DPP6: variants seen among roughly 807,000 people sequenced by gnomAD.
DPP6 encodes A-type potassium channel modulatory protein DPP6.
A neutral mutation model predicts 122.6 loss-of-function variants in DPP6; 69 were observed. The observed-to-expected ratio is 0.56, with a 90% CI of 0.46 to 0.69. The LOEUF (loss-of-function observed/expected upper bound fraction) is 0.69. DPP6 is among the 30% of genes least tolerant of loss of function. The pLI is 0.00. For missense variants in DPP6, 928 were observed against 1,116.9 expected, an observed-to-expected ratio of 0.83 and a Z score of 2.41; for synonymous variants, 418 against 433.1, an observed-to-expected ratio of 0.97 and a Z score of 0.43.
At chr7:153,939,454 C>T (rs917916574) in intron 1 of DPP6, among the ~76,000 whole-genome samples, 2 of 152,260 alleles carry the variant, frequency 1.3e-5, no homozygotes, top group African/African-American at 2.4e-5. Context: ...CAAAGTCAGA[C>T]GTTAAACCAA....
chr7:154,562,488 C>A lies in DPP6; in HGVS notation c.553-4354C>A, dbSNP rs552163656. Among the ~76,000 whole-genome samples the A allele has an allele frequency of 2.0e-5, 3 of 152,148 alleles. No homozygotes were observed. In the South Asian group the frequency reaches 6.2e-4, roughly 32 times the overall value. On this transcript the variant is annotated intron_variant, in intron 4 of 25. Transcript: ENST00000377770. ...TATCTATTAAAAATACCATAAATAT[C>A]ATACTTAATGGAGAAGAATGAAGGC...
rs143103574 is a variant in DPP6 at position 154,279,361 on chromosome 7, A to C, written c.244-166853A>C. On this transcript the variant is annotated intron_variant, in intron 1 of 25. Coordinates refer to ENST00000377770, the MANE Select transcript of DPP6 (RefSeq NM_130797.4). ...GGTGTAGGGTTAAAAAATGATTATA[A>C]ATTTTGTGATTGATTTTCTTATTGG... is the stretch of plus-strand genomic sequence containing the variant. Among the ~76,000 whole-genome samples the C allele has an allele frequency of 6.7e-3, 1,014 of 152,162 alleles. 17 individuals are homozygous for C. The highest frequency in any genetic ancestry group is 0.022 in the African/African-American group (932 of 41,498).
intron 1 of DPP6, among the ~76,000 whole-genome samples, chr7:154,343,827 C>T (rs188632968): frequency 4.7e-5 from 7 of 150,222 alleles, no homozygotes; most frequent in Admixed American, 2.6e-4. Context: ...GTGATCCTCC[C>T]GCCTTGGCCT....
At chr7:154,432,592 C>CGTAGA (rs1036895272) in intron 1 of DPP6, among the ~76,000 whole-genome samples, 1 of 152,192 alleles carries the variant, frequency 6.6e-6, no homozygotes, top group African/African-American at 2.4e-5. Flanking sequence ...TTCTGTCACA[C>CGTAGA]GTAGATGAAC....
chr7:154,575,375 ATG>A (rs1195467611), intron 5 of DPP6, among the ~76,000 whole-genome samples: 4 of 34,776 alleles, frequency 1.2e-4, no homozygotes, highest in Non-Finnish European at 1.7e-4. Context: ...ATGTGTGTGT[ATG>A]TGTGTGATGT....
chr7:154,645,102 G>T (rs371372770), intron 6 of DPP6, among the ~76,000 whole-genome samples: 27 of 135,134 alleles, frequency 2.0e-4, no homozygotes, highest in African/African-American at 7.6e-4. Flanking sequence ...TTGCTCTGTC[G>T]CCCAGGCTGG....
chr7:153,761,971 C>T, the DPP6 span, among the ~76,000 whole-genome samples: 1 of 151,996 alleles, frequency 6.6e-6, no homozygotes, highest in South Asian at 2.1e-4. Context: ...AAAGAGTGGT[C>T]AGTGTGGTTT....
intron 16 of DPP6, among the ~76,000 whole-genome samples, chr7:154,839,543 C>T (rs2150546418): frequency 6.6e-6 from 1 of 152,328 alleles, no homozygotes; most frequent in South Asian, 2.1e-4. Context: ...TGAGTTTGTG[C>T]ATGTAATGCA....
intron 5 of DPP6, among the ~76,000 whole-genome samples, chr7:154,578,014 C>T (rs1440451278): frequency 6.6e-6 from 1 of 152,146 alleles, no homozygotes; most frequent in African/African-American, 2.4e-5. Flanking sequence ...TTTAGGGCTC[C>T]AACTGCTGTG....
At chr7:154,539,573 T>C (rs1053795427) in intron 3 of DPP6, among the ~76,000 whole-genome samples, 1 of 151,732 alleles carries the variant, frequency 6.6e-6, no homozygotes, top group African/African-American at 2.4e-5. Flanking sequence ...ATGGCACATG[T>C]ATACATATGT....
At chr7:154,665,624 C>A (rs1838100202) in intron 6 of DPP6, among the ~76,000 whole-genome samples, 1 of 152,076 alleles carries the variant, frequency 6.6e-6, no homozygotes, top group Non-Finnish European at 1.5e-5. Context: ...TATTTAGACA[C>A]CAAGATCTGG....
rs1026299853 is a variant in DPP6 at position 153,897,692 on chromosome 7, A to C, written c.51+9958A>C. On this transcript the variant is annotated intron_variant, in intron 1 of 25. Transcript: ENST00000404039. ...TTTGATCAGGGTAACTGTGAATTTA[A>C]CAACAAGACACCATATTTTTTATTC... is the stretch of plus-strand genomic sequence containing the variant. Among the ~76,000 whole-genome samples, 7 of 152,166 alleles carry C rather than the reference A, an allele frequency of 4.6e-5. No individual in the cohort carries two copies. The East Asian group carries it at 1.2e-3, about 26-fold the overall frequency.
At chr7:153,969,922 G>A (rs1452890797) in intron 1 of DPP6, among the ~76,000 whole-genome samples, 1 of 151,914 alleles carries the variant, frequency 6.6e-6, no homozygotes, top group African/African-American at 2.4e-5. Flanking sequence ...TCATATAAAT[G>A]GAATCATGGA....
Position 154,071,247 on chromosome 7 carries a change from C to A in DPP6, c.243+18184C>A. ...AAAGGGAAGCTACGTCATTTGCCTT[C>A]TGTGTGCCAGGCATTTTCTCTTTCT... On this transcript the variant is annotated intron_variant, in intron 1 of 25. Transcript: ENST00000377770. Among the ~76,000 whole-genome samples, 2 of 152,152 alleles carry A rather than the reference C, an allele frequency of 1.3e-5. 1 individual carries two copies. The highest frequency in any genetic ancestry group is 2.9e-5 in the Non-Finnish European group (2 of 68,026).
chr7:153,764,045 T>C, the DPP6 span, among the ~76,000 whole-genome samples: 1 of 152,186 alleles, frequency 6.6e-6, no homozygotes, highest in East Asian at 1.9e-4. Context: ...AGAACAAAAC[T>C]CTGTCTAGTT....
chr7:154,588,119 C>A, intron 5 of DPP6: 1 of 1,577,236 alleles, frequency 6.3e-7, no homozygotes, highest in South Asian at 1.2e-5. Context: ...CAGGCTTGTT[C>A]CTTCAACACT....
chr7:154,622,247 C>T (rs1586752181), intron 5 of DPP6, among the ~76,000 whole-genome samples: 1 of 152,140 alleles, frequency 6.6e-6, no homozygotes, highest in South Asian at 2.1e-4. Context: ...GCGACAATGG[C>T]ACTACATTTG....
the DPP6 span, among the ~76,000 whole-genome samples, chr7:153,794,807 C>T: frequency 6.6e-6 from 1 of 152,190 alleles, no homozygotes; most frequent in Non-Finnish European, 1.5e-5. Context: ...GTTTCCCATG[C>T]TATTCTCATA....
the DPP6 span, among the ~76,000 whole-genome samples, chr7:153,845,826 A>T: frequency 2.0e-5 from 3 of 152,186 alleles, no homozygotes. Context: ...ATGACTTTAG[A>T]CTATTTTAAC....
Sources: allele counts gnomAD v4.1 joint callset (sites outside exome capture counted in the v4.1 genomes callset), GRCh38; gene constraint gnomAD v4.1.1; transcripts MANE v1.5; gene names NCBI Gene and HGNC (gene_info 2026-07-23, HGNC 2026-07-21).